Variants in COL5A2 observed in about 807,000 individuals in gnomAD.
The protein encoded by COL5A2 is collagen type V alpha 2 chain.
COL5A2 carries 23 observed loss-of-function variants against 208.2 expected under a neutral mutation model. The ratio of observed to expected loss-of-function variants is 0.11; its 90% CI spans 0.08 to 0.16. COL5A2 has a LOEUF of 0.16. Among genes scored for constraint, COL5A2 ranks in the 10% least tolerant of loss-of-function variants. The pLI is 1.00. For synonymous variants in COL5A2, 625 were observed against 628.5 expected (o/e 0.99, Z 0.08); for missense variants, 1,590 against 1,956.4 (o/e 0.81, Z 3.53).
chr2:189,232,589 T>C, the COL5A2 span, among the ~76,000 whole-genome samples: 1 of 151,748 alleles, frequency 6.6e-6, no homozygotes, highest in Non-Finnish European at 1.5e-5. Flanking sequence ...CAATATATTA[T>C]TCATTGCTGC....
chr2:189,437,594 C>T, the COL5A2 span, among the ~76,000 whole-genome samples: 1 of 152,166 alleles, frequency 6.6e-6, no homozygotes, highest in Non-Finnish European at 1.5e-5. Flanking sequence ...TTAAATGGAA[C>T]ATAACCCGCT....
chr2:189,393,610 G>C, the COL5A2 span, among the ~76,000 whole-genome samples: 1 of 152,096 alleles, frequency 6.6e-6, no homozygotes, highest in Non-Finnish European at 1.5e-5. Context: ...ATAACAGGGA[G>C]ATTTAAAGTT....
chr2:189,227,918 A>G (rs1310300933), upstream of COL5A2, among the ~76,000 whole-genome samples: 2 of 152,010 alleles, frequency 1.3e-5, no homozygotes, highest in Non-Finnish European at 2.9e-5. Flanking sequence ...TCCAGTATAG[A>G]TCACATACTA....
chr2:189,213,930 CTTA>C (rs986985933), intron 1 of COL5A2, among the ~76,000 whole-genome samples: 4 of 151,976 alleles, frequency 2.6e-5, no homozygotes, highest in African/African-American at 7.2e-5. Flanking sequence ...GGCTATTTGC[CTTA>C]TTATATTTCA....
chr2:189,359,530 G>A, the COL5A2 span, among the ~76,000 whole-genome samples: 12 of 152,128 alleles, frequency 7.9e-5, no homozygotes, highest in Admixed American at 4.6e-4. Flanking sequence ...TGTAGCTTTC[G>A]TTTTTGGTGC....
At chr2:189,306,226 C>G in the COL5A2 span, among the ~76,000 whole-genome samples, 2 of 152,182 alleles carry the variant, frequency 1.3e-5, no homozygotes, top group Non-Finnish European at 1.5e-5. Context: ...GGTGGGCCCA[C>G]TCACCATACC....
chr2:189,093,853 A>G (rs936516145), intron 6 of COL5A2, among the ~76,000 whole-genome samples: 1 of 152,212 alleles, frequency 6.6e-6, no homozygotes. Context: ...ATATGACAGC[A>G]CAGACAAAAT....
Position 189,209,287 on chromosome 2 carries a change from T to C in COL5A2, c.-42+15861A>G, listed in dbSNP as rs1689180293. 2.0e-5 allele frequency among the ~76,000 whole-genome samples: 3 copies of C among 152,298 alleles called. No homozygotes were observed. In the South Asian group the frequency reaches 6.2e-4, roughly 32 times the overall value. On this transcript the variant is annotated intron_variant, in intron 1 of 10. Transcript: ENST00000649966. ...CTTTACTGTGGATTAGAAAATGGAA[T>C]GGGAAGAACTAGAATTAGGAGACCA...
At chr2:189,295,232 A>G in the COL5A2 span, among the ~76,000 whole-genome samples, 1 of 152,226 alleles carries the variant, frequency 6.6e-6, no homozygotes, top group South Asian at 2.1e-4. Context: ...TGTTCCATGC[A>G]AAGGACATAG....
At chr2:189,326,799 G>T in the COL5A2 span, among the ~76,000 whole-genome samples, 1 of 151,598 alleles carries the variant, frequency 6.6e-6, no homozygotes, top group South Asian at 2.1e-4. Flanking sequence ...GGCCAGGCGC[G>T]GTGGTTCACA....
chr2:189,174,499 T>C (rs1396882576), intron 1 of COL5A2, among the ~76,000 whole-genome samples: 1 of 152,214 alleles, frequency 6.6e-6, no homozygotes, highest in African/African-American at 2.4e-5. Context: ...AATCTTAATG[T>C]GTAGCCTCGG....
intron 18 of COL5A2, among the ~76,000 whole-genome samples, chr2:189,071,612 A>G (rs1272860130): frequency 2.0e-5 from 3 of 152,108 alleles, no homozygotes; most frequent in Non-Finnish European, 4.4e-5. Flanking sequence ...GTTAGGTGAA[A>G]ATGTTAGATG....
the COL5A2 span, among the ~76,000 whole-genome samples, chr2:189,349,291 TC>T: frequency 3.9e-5 from 6 of 152,078 alleles, no homozygotes. Context: ...AATGGTTTTT[TC>T]CAACAAACAA....
At chr2:189,304,741 A>G in the COL5A2 span, among the ~76,000 whole-genome samples, 1 of 152,352 alleles carries the variant, frequency 6.6e-6, no homozygotes, top group Admixed American at 6.5e-5. Flanking sequence ...GCCAAACTAT[A>G]TCACCAGTCA....
the COL5A2 span, among the ~76,000 whole-genome samples, chr2:189,328,447 C>T: frequency 6.6e-6 from 1 of 152,206 alleles, no homozygotes; most frequent in African/African-American, 2.4e-5. Context: ...CAGGCCCAGG[C>T]AATCCAGCAT....
chr2:189,172,018 A>G (rs956451975), intron 1 of COL5A2, among the ~76,000 whole-genome samples: 1 of 152,218 alleles, frequency 6.6e-6, no homozygotes. Flanking sequence ...TGATAAGATA[A>G]GATGAAAAGG....
chr2:189,290,150 G>T, the COL5A2 span, among the ~76,000 whole-genome samples: 2 of 152,138 alleles, frequency 1.3e-5, no homozygotes, highest in Non-Finnish European at 2.9e-5. Context: ...CAAAGGAACA[G>T]AATAGAGATT....
At chr2:189,306,211 G>A in the COL5A2 span, among the ~76,000 whole-genome samples, 9 of 152,292 alleles carry the variant, frequency 5.9e-5, no homozygotes, top group African/African-American at 2.2e-4. Flanking sequence ...AGGGAGGGAA[G>A]CAAGGGTGGG....
Position 189,220,843 on chromosome 2 carries a change from T to C in COL5A2, c.-42+4305A>G, listed in dbSNP as rs546992018. Among the ~76,000 whole-genome samples the C allele has an allele frequency of 3.3e-5, 5 of 152,322 alleles. No homozygotes were observed. In the South Asian group the frequency reaches 8.3e-4, roughly 25 times the overall value. The stretch of plus-strand genomic sequence containing the variant: ...ATCACCCAGGCCTCCCCATCACTCG[T>C]ACCCTGATCATTTTTTATAGCACTA... On this transcript the variant is annotated intron_variant, in intron 1 of 10. Transcript: ENST00000649966.
Sources: allele counts gnomAD v4.1 joint callset (sites outside exome capture counted in the v4.1 genomes callset), GRCh38; gene constraint gnomAD v4.1.1; transcripts MANE v1.5; gene names NCBI Gene and HGNC (gene_info 2026-07-23, HGNC 2026-07-21).